The following NOS1AP variants were observed in gnomAD, a reference collection of about 807,000 sequenced individuals.
The protein encoded by NOS1AP is nitric oxide synthase 1 adaptor protein, also known as carboxyl-terminal PDZ ligand of neuronal nitric oxide synthase protein.
A neutral mutation model predicts 56.2 loss-of-function variants in NOS1AP; 21 were observed. The observed-to-expected ratio is 0.37, with a 90% CI of 0.26 to 0.54. The LOEUF (loss-of-function observed/expected upper bound fraction) is 0.54, where lower values mean the gene tolerates loss of function less well. Ranked by LOEUF, NOS1AP falls within the 20% of genes least tolerant of loss-of-function variation. The pLI, the probability that NOS1AP is intolerant of heterozygous loss-of-function variation, is 0.84. For missense variants in NOS1AP, 522 were observed against 657.8 expected (o/e 0.79, Z 2.26); for synonymous variants, 270 against 274.6 (o/e 0.98, Z 0.17).
At chr1:162,074,774 A>G (rs570039715) in intron 1 of NOS1AP, among the ~76,000 whole-genome samples, 16 of 152,300 alleles carry the variant, frequency 1.1e-4, no homozygotes, top group Non-Finnish European at 1.2e-4. Context: ...ATCCACAGCT[A>G]GGCTGGAATG....
chr1:162,196,245 C>G (rs1651802387), intron 2 of NOS1AP, among the ~76,000 whole-genome samples: 1 of 152,144 alleles, frequency 6.6e-6, no homozygotes, highest in Admixed American at 6.5e-5. Flanking sequence ...AGGCAACATA[C>G]TTGATGACGA....
chr1:162,184,698 G>A (rs532081331), intron 2 of NOS1AP, among the ~76,000 whole-genome samples: 111 of 152,270 alleles, frequency 7.3e-4, no homozygotes, highest in African/African-American at 2.4e-3. Context: ...CAATGGGAAA[G>A]GTCTCCATAG....
At chr1:162,087,195 G>T (rs117158206) in intron 1 of NOS1AP, among the ~76,000 whole-genome samples, 2 of 152,264 alleles carry the variant, frequency 1.3e-5, no homozygotes, top group East Asian at 3.9e-4. Flanking sequence ...GAATGCTATG[G>T]ATGTCCAGTA....
chr1:162,087,637 C>T (rs1345136080), intron 1 of NOS1AP, among the ~76,000 whole-genome samples: 1 of 152,176 alleles, frequency 6.6e-6, no homozygotes, highest in East Asian at 1.9e-4. Flanking sequence ...TCTCTTCCAA[C>T]TCCAGCACTC....
chr1:162,125,187 G>A (rs2102056766), intron 1 of NOS1AP, among the ~76,000 whole-genome samples: 1 of 146,220 alleles, frequency 6.8e-6, no homozygotes, highest in Non-Finnish European at 1.5e-5. Flanking sequence ...GGGCTGGAGT[G>A]CAGTGGCACA....
At chr1:162,238,491 T>C (rs1156960830) in intron 2 of NOS1AP, among the ~76,000 whole-genome samples, 1 of 152,212 alleles carries the variant, frequency 6.6e-6, no homozygotes, top group Non-Finnish European at 1.5e-5. Context: ...TTTGTTATTG[T>C]TGTCTTATGT....
At chr1:162,181,630 G>A (rs985135188) in intron 2 of NOS1AP, among the ~76,000 whole-genome samples, 12 of 152,156 alleles carry the variant, frequency 7.9e-5, no homozygotes, top group African/African-American at 2.9e-4. Context: ...AGTTATCAAG[G>A]GCCTTTTGAA....
At chr1:162,097,898 C>A (rs4657143) in intron 1 of NOS1AP, among the ~76,000 whole-genome samples, 94,531 of 150,422 alleles carry the variant, frequency 0.63, 29,823 homozygotes, top group Non-Finnish European at 0.67. Context: ...TATATTTATT[C>A]GTTTTTTTTC....
At chr1:162,336,214 A>C (rs1030888179) in intron 5 of NOS1AP, among the ~76,000 whole-genome samples, 3 of 152,146 alleles carry the variant, frequency 2.0e-5, no homozygotes, top group Non-Finnish European at 2.9e-5. Context: ...GAATGATCTA[A>C]CTTTATTCCC....
At chr1:162,264,498 CCT>C in intron 2 of NOS1AP, among the ~76,000 whole-genome samples, 1 of 126,972 alleles carries the variant, frequency 7.9e-6, no homozygotes, top group South Asian at 3.0e-4. Context: ...CTCCTCCTCT[CCT>C]CTCCTCTCTT....
chr1:162,125,411 G>A (rs770816534), intron 1 of NOS1AP, among the ~76,000 whole-genome samples: 34 of 152,150 alleles, frequency 2.2e-4, no homozygotes, highest in Admixed American at 1.1e-3. Flanking sequence ...TAGGATTACA[G>A]GCATGAGCCA....
chr1:162,161,575 T>C (rs1350022834), intron 2 of NOS1AP, among the ~76,000 whole-genome samples: 1 of 151,514 alleles, frequency 6.6e-6, no homozygotes, highest in Non-Finnish European at 1.5e-5. Flanking sequence ...TTATGAACCA[T>C]AAATAATAGT....
At chr1:162,073,401 G>A (rs1691700599) in intron 1 of NOS1AP, among the ~76,000 whole-genome samples, 3 of 152,208 alleles carry the variant, frequency 2.0e-5, no homozygotes, top group Admixed American at 2.0e-4. Context: ...CTCTAGTGGA[G>A]TGTTCTCAGG....
chr1:162,265,730 C>T (rs946043447), intron 2 of NOS1AP, among the ~76,000 whole-genome samples: 5 of 152,116 alleles, frequency 3.3e-5, no homozygotes, highest in Non-Finnish European at 7.4e-5. Context: ...GATTATTTAG[C>T]CAGAAAGTGA....
chr1:162,208,181 C>G (rs529456717), intron 2 of NOS1AP, among the ~76,000 whole-genome samples: 49 of 152,298 alleles, frequency 3.2e-4, no homozygotes, highest in Admixed American at 8.5e-4. Flanking sequence ...CCCAGCCTGC[C>G]TATTCCAATC....
chr1:162,097,997 T>C (rs1692286221), intron 1 of NOS1AP, among the ~76,000 whole-genome samples: 1 of 151,974 alleles, frequency 6.6e-6, no homozygotes, highest in Admixed American at 6.5e-5. Context: ...CTTTATGATA[T>C]TTAGTCTTTT....
intron 2 of NOS1AP, among the ~76,000 whole-genome samples, chr1:162,173,611 T>C (rs1650913535): frequency 6.6e-6 from 1 of 152,142 alleles, no homozygotes; most frequent in African/African-American, 2.4e-5. Flanking sequence ...CAAAAGAAAC[T>C]ACCATCAGAG....
chr1:162,137,765 T>C (rs1649065372), intron 1 of NOS1AP, among the ~76,000 whole-genome samples: 1 of 152,028 alleles, frequency 6.6e-6, no homozygotes, highest in African/African-American at 2.4e-5. Context: ...CACACACACA[T>C]GTAATTGGGT....
intron 4 of NOS1AP, among the ~76,000 whole-genome samples, chr1:162,310,419 G>A (rs1195332702): frequency 6.6e-6 from 1 of 152,236 alleles, no homozygotes; most frequent in Non-Finnish European, 1.5e-5. Context: ...CATCAGGGAT[G>A]TGGAGGCAGC....
Sources: gnomAD v4.1 joint callset for allele counts (sites outside exome capture counted in the v4.1 genomes callset) on GRCh38, gnomAD v4.1.1 for gene constraint, MANE v1.5 for transcripts, NCBI Gene and HGNC (gene_info 2026-07-23, HGNC 2026-07-21) for gene names.